The following NRXN3 variants were observed in gnomAD, a reference collection of about 807,000 sequenced individuals.
The protein encoded by NRXN3 is neurexin III.
A neutral mutation model predicts 137.6 loss-of-function variants in NRXN3; 32 were observed. That is an observed-to-expected ratio of 0.23 (90% confidence interval 0.18 to 0.31). The LOEUF is 0.31. Ranked by LOEUF, NRXN3 falls within the 10% of genes least tolerant of loss-of-function variation. The pLI is 1.00. For synonymous variants in NRXN3, 798 were observed against 784.5 expected, an observed-to-expected ratio of 1.02 and a Z score of -0.29; for missense variants, 1,574 against 2,062.5, an observed-to-expected ratio of 0.76 and a Z score of 4.59.
intron 19 of NRXN3, among the ~76,000 whole-genome samples, chr14:79,796,339 G>T (rs2099160895): frequency 1.3e-5 from 2 of 152,146 alleles, no homozygotes; most frequent in East Asian, 3.8e-4. Flanking sequence ...CATTCCTCCT[G>T]CTTTTGGGAA....
At chr14:79,418,477 G>A (rs1484680346) in intron 15 of NRXN3, among the ~76,000 whole-genome samples, 3 of 152,292 alleles carry the variant, frequency 2.0e-5, no homozygotes, top group South Asian at 2.1e-4. Context: ...CACAGTCATC[G>A]AAGGAAGTTG....
At chr14:79,772,468 T>C (rs1202037331) in intron 19 of NRXN3, among the ~76,000 whole-genome samples, 1 of 151,942 alleles carries the variant, frequency 6.6e-6, no homozygotes, top group Non-Finnish European at 1.5e-5. Context: ...TCAGAAATAA[T>C]GCCGCATATC....
chr14:79,310,729 CTGTT>C (rs2087095127), intron 15 of NRXN3, among the ~76,000 whole-genome samples: 2 of 114,814 alleles, frequency 1.7e-5, no homozygotes, highest in South Asian at 3.7e-4. Flanking sequence ...ATTTGGCTCT[CTGTT>C]TGTCTGTTAT....
chr14:79,315,176 T>C (rs983149907), intron 15 of NRXN3, among the ~76,000 whole-genome samples: 7 of 152,220 alleles, frequency 4.6e-5, no homozygotes, highest in African/African-American at 1.7e-4. Context: ...ATAGCCATTA[T>C]TATTGTAATG....
chr14:78,981,136 A>G (rs551476296), intron 14 of NRXN3, among the ~76,000 whole-genome samples: 4 of 152,336 alleles, frequency 2.6e-5, no homozygotes, highest in Admixed American at 2.6e-4. Flanking sequence ...ATTGTCTGTC[A>G]TGCTTATAAA....
In NRXN3 at chr14:78,699,452, C is replaced by T. The variant is rs551595526; in HGVS notation, c.1222-9765C>T. On this transcript the variant is annotated intron_variant, in intron 6 of 20. Coordinates refer to ENST00000335750, the MANE Select transcript of NRXN3 (RefSeq NM_001330195.2). ...AATTCTGAAGTTGATAAAGAACCAT[C>T]GAACAATTTTAAGCAGAGAATGACA... Among the ~76,000 whole-genome samples the T allele has an allele frequency of 3.3e-5, 5 of 152,218 alleles. No individual in the cohort carries two copies. The Middle Eastern group carries it at 0.01, about 311-fold the overall frequency.
chr14:78,466,127 G>A (rs567665752), intron 4 of NRXN3, among the ~76,000 whole-genome samples: 13 of 152,170 alleles, frequency 8.5e-5, no homozygotes, highest in African/African-American at 2.9e-4. Context: ...TGCTGGGAAG[G>A]TTTCTTCCTT....
At chr14:79,068,986 G>A (rs1335397188) in intron 15 of NRXN3, among the ~76,000 whole-genome samples, 1 of 151,992 alleles carries the variant, frequency 6.6e-6, no homozygotes, top group East Asian at 1.9e-4. Flanking sequence ...TAGCAGGAGA[G>A]TTACTTTGTT....
At chr14:78,415,444 TC>T (rs1394328013) in intron 4 of NRXN3, among the ~76,000 whole-genome samples, 1 of 152,120 alleles carries the variant, frequency 6.6e-6, no homozygotes, top group Non-Finnish European at 1.5e-5. Context: ...GGGTAAGCCG[TC>T]CAGTTAGTTA....
chr14:78,416,745 A>G (rs2093161925), intron 4 of NRXN3, among the ~76,000 whole-genome samples: 1 of 152,198 alleles, frequency 6.6e-6, no homozygotes, highest in African/African-American at 2.4e-5. Flanking sequence ...TGTTGCTTCC[A>G]TTTGCTTGTC....
intron 15 of NRXN3, among the ~76,000 whole-genome samples, chr14:79,054,293 T>G (rs1208602663): frequency 1.3e-5 from 2 of 152,064 alleles, no homozygotes; most frequent in African/African-American, 2.4e-5. Flanking sequence ...ACATGTACCC[T>G]AAAACTTAAA....
In NRXN3 at chr14:79,421,197, T is replaced by C. The variant is rs374476693; in HGVS notation, c.3263-46024T>C. 6.3e-4 allele frequency among the ~76,000 whole-genome samples: 96 copies of C among 152,322 alleles called. 1 individual carries two copies. In the South Asian group the frequency reaches 0.019, roughly 30 times the overall value. Reference sequence around the variant, plus strand: ...TGGGTGTAAAAAGGGTATACTTCAATTTCTCTCAGGCCAGCTTGCTCCCCA... The same window carrying C: ...TGGGTGTAAAAAGGGTATACTTCAACTTCTCTCAGGCCAGCTTGCTCCCCA... On this transcript the variant is annotated intron_variant, in intron 15 of 20. Transcript: ENST00000335750.
chr14:78,897,989 A>G (rs2099183102), intron 10 of NRXN3, among the ~76,000 whole-genome samples: 1 of 151,998 alleles, frequency 6.6e-6, no homozygotes, highest in Non-Finnish European at 1.5e-5. Context: ...TTTTGATGTT[A>G]GAGAACGTAT....
At chr14:79,537,916 A>G (rs2097229230) in intron 16 of NRXN3, among the ~76,000 whole-genome samples, 1 of 152,188 alleles carries the variant, frequency 6.6e-6, no homozygotes, top group Non-Finnish European at 1.5e-5. Context: ...CAACAGTGTC[A>G]AAGTGTTCCT....
At chr14:78,562,345 C>A (rs1189517322) in intron 4 of NRXN3, among the ~76,000 whole-genome samples, 1 of 141,966 alleles carries the variant, frequency 7.0e-6, no homozygotes, top group Non-Finnish European at 1.5e-5. Context: ...TTCAGTGACC[C>A]AAGATCGCGC....
chr14:79,809,260 G>A (rs1262864088), intron 20 of NRXN3, among the ~76,000 whole-genome samples: 2 of 152,082 alleles, frequency 1.3e-5, no homozygotes, highest in Non-Finnish European at 2.9e-5. Context: ...ATTTGTTTTA[G>A]AATTTTTATT....
chr14:79,582,863 C>T (rs1304065218), intron 16 of NRXN3, among the ~76,000 whole-genome samples: 3 of 152,140 alleles, frequency 2.0e-5, no homozygotes, highest in Non-Finnish European at 4.4e-5. Context: ...CTCTTCAGGG[C>T]ACCTCCTGGA....
chr14:78,666,296 A>G (rs989326111), intron 6 of NRXN3, among the ~76,000 whole-genome samples: 1 of 151,918 alleles, frequency 6.6e-6, no homozygotes, highest in East Asian at 1.9e-4. Flanking sequence ...CTTTCATAAA[A>G]CCCCTCTCTT....
chr14:79,749,074 C>T (rs141898780), intron 19 of NRXN3, among the ~76,000 whole-genome samples: 8 of 152,062 alleles, frequency 5.3e-5, no homozygotes, highest in African/African-American at 9.6e-5. Flanking sequence ...AGGCTTTTCT[C>T]TTGATCTAAT....
Sources: allele counts gnomAD v4.1 joint callset (sites outside exome capture counted in the v4.1 genomes callset), GRCh38; gene constraint gnomAD v4.1.1; transcripts MANE v1.5; gene names NCBI Gene and HGNC (gene_info 2026-07-23, HGNC 2026-07-21).